Variants in PTPN2 observed in about 807,000 individuals in gnomAD.
PTPN2 encodes tyrosine-protein phosphatase non-receptor type 2.
In PTPN2, 19 loss-of-function variants were observed where a neutral mutation model predicts 57.3. That is an observed-to-expected ratio of 0.33 (90% CI 0.23 to 0.49). The LOEUF (loss-of-function observed/expected upper bound fraction) is 0.49, where lower values mean the gene tolerates loss of function less well. PTPN2 is among the 20% of genes least tolerant of loss of function. The pLI, the probability that PTPN2 is intolerant of heterozygous loss-of-function variation, is 0.99. For synonymous variants in PTPN2, 153 were observed against 164.9 expected, an observed-to-expected ratio of 0.93 and a Z score of 0.55; for missense variants, 358 against 501.1, an observed-to-expected ratio of 0.71 and a Z score of 2.73.
chr18:12,803,293 C>A (rs1043849403), intron 7 of PTPN2, among the ~76,000 whole-genome samples: 1 of 151,650 alleles, frequency 6.6e-6, no homozygotes, highest in Admixed American at 6.6e-5. Flanking sequence ...AATCACCAAA[C>A]CACAAAGGTA....
chr18:12,804,418 T>C (rs571801611), intron 7 of PTPN2, among the ~76,000 whole-genome samples: 147 of 113,892 alleles, frequency 1.3e-3, no homozygotes, highest in Non-Finnish European at 2.3e-3. Context: ...ACCAGAAGAA[T>C]GGAAATAAAG....
intron 8 of PTPN2, among the ~76,000 whole-genome samples, chr18:12,798,068 C>G (rs904201273): frequency 2.6e-5 from 4 of 152,132 alleles, no homozygotes; most frequent in South Asian, 2.1e-4. Flanking sequence ...TCTCAGTGAT[C>G]TGGGTTTCTG....
At chr18:12,817,578 C>T (rs142412934) in intron 5 of PTPN2, among the ~76,000 whole-genome samples, 1 of 152,260 alleles carries the variant, frequency 6.6e-6, no homozygotes, top group East Asian at 1.9e-4. Context: ...CTAACGCATA[C>T]AACACTTACT....
chr18:12,868,705 G>C (rs980766622), intron 1 of PTPN2, among the ~76,000 whole-genome samples: 7 of 148,800 alleles, frequency 4.7e-5, no homozygotes, highest in African/African-American at 1.7e-4. Flanking sequence ...AGGCTGAGGC[G>C]GGCGGATCAC....
In PTPN2 at chr18:12,792,463, AG is replaced by A; in HGVS notation, c.*1814del. The stretch of plus-strand genomic sequence containing the variant: ...ACGCCCAGATAATTTTTGTATTTTT[AG>A]TAAAGAAGGGATTTCACCATGTTGG... On this transcript the variant is annotated 3_prime_UTR_variant, in exon 9 of 9. Coordinates refer to ENST00000309660, the MANE Select transcript of PTPN2 (RefSeq NM_002828.4). The A allele has an allele frequency of 6.4e-6, 1 of 155,472 alleles. No individual in the cohort carries two copies. The highest frequency in any genetic ancestry group is 1.4e-5 in the Non-Finnish European group (1 of 71,178). The allele number at this position is 155,472 out of a possible 1,614,324, so 9.6% of individuals were successfully genotyped here.
intron 2 of PTPN2, among the ~76,000 whole-genome samples, chr18:12,850,366 GTAC>G (rs1263029762): frequency 6.6e-6 from 1 of 152,014 alleles, no homozygotes; most frequent in Non-Finnish European, 1.5e-5. Flanking sequence ...GCACGTGCCT[GTAC>G]TCCCAGCTAC....
intron 2 of PTPN2, among the ~76,000 whole-genome samples, chr18:12,858,584 TG>T (rs2043678436): frequency 1.3e-5 from 2 of 152,224 alleles, no homozygotes; most frequent in South Asian, 4.1e-4. Flanking sequence ...TACAATGTAC[TG>T]CTAAGAAAAG....
intron 2 of PTPN2, among the ~76,000 whole-genome samples, chr18:12,849,624 T>C (rs965530868): frequency 6.6e-6 from 1 of 152,210 alleles, no homozygotes; most frequent in African/African-American, 2.4e-5. Flanking sequence ...ATTCCTGAAA[T>C]AAACTTAATG....
At chr18:12,820,111 A>G (rs1384368285) in intron 5 of PTPN2, among the ~76,000 whole-genome samples, 1 of 151,736 alleles carries the variant, frequency 6.6e-6, no homozygotes, top group Admixed American at 6.6e-5. Context: ...TGCTTGTATG[A>G]TTTTGGCTCA....
chr18:12,836,259 C>T (rs902721948), intron 3 of PTPN2, among the ~76,000 whole-genome samples: 8 of 152,212 alleles, frequency 5.3e-5, no homozygotes, highest in Non-Finnish European at 8.8e-5. Context: ...GTGGCTGATG[C>T]GCTCAGAGGC....
chr18:12,855,522 T>C (rs140018152), intron 2 of PTPN2, among the ~76,000 whole-genome samples: 1 of 152,206 alleles, frequency 6.6e-6, no homozygotes, highest in Non-Finnish European at 1.5e-5. Context: ...TTCCAGGTGA[T>C]AGAACATGAA....
intron 3 of PTPN2, among the ~76,000 whole-genome samples, chr18:12,833,372 C>T (rs2042736222): frequency 6.6e-6 from 1 of 152,130 alleles, no homozygotes; most frequent in Admixed American, 6.5e-5. Context: ...GCAGTCTTGG[C>T]TCTTTAAGAG....
At chr18:12,822,013 T>C (rs1186120085) in intron 5 of PTPN2, among the ~76,000 whole-genome samples, 4 of 152,182 alleles carry the variant, frequency 2.6e-5, no homozygotes, top group East Asian at 1.9e-4. Context: ...AAGATTTACA[T>C]AGAGAGATGT....
At position 12,883,959 on chromosome 18, in the gene PTPN2, C is replaced by T. The variant is rs1056874966; in HGVS notation, c.69+114G>A. ...ACGCGGACCGCGCCGCCACTTCCGC[C>T]CCGAGCGAGAGGCTAGAGGCGAGAG... is the stretch of plus-strand genomic sequence containing the variant. On this transcript the variant is annotated intron_variant, in intron 1 of 8. Coordinates refer to ENST00000309660, the MANE Select transcript of PTPN2 (RefSeq NM_002828.4). The T allele has an allele frequency of 1.2e-5, 11 of 933,372 alleles. No homozygotes were observed. In the African/African-American group the frequency reaches 1.9e-4, roughly 16 times the overall value. 57.8% of individuals were successfully genotyped at this position (933,372 alleles called of 1,614,324 possible). A position where few individuals can be genotyped will look rare whatever the true frequency, so the allele number is the denominator to read the frequency against.
intron 1 of PTPN2, chr18:12,883,870 C>CTTT (rs397959555): frequency 0.013 from 4,889 of 387,016 alleles, 27 homozygotes; most frequent in East Asian, 0.038. Context: ...CTCAAGTATG[C>CTTT]TTTTTTTTTT....
At chr18:12,820,611 C>A (rs1444022650) in intron 5 of PTPN2, among the ~76,000 whole-genome samples, 1 of 152,160 alleles carries the variant, frequency 6.6e-6, no homozygotes, top group Non-Finnish European at 1.5e-5. Flanking sequence ...GTGGAAGCAC[C>A]CTTTTCTTCT....
chr18:12,790,696 T>TTTCATATCATAAACTGC (rs2040961689), downstream of PTPN2, among the ~76,000 whole-genome samples: 1 of 152,140 alleles, frequency 6.6e-6, no homozygotes, highest in South Asian at 2.1e-4. Context: ...TGGAAGACTG[T>TTTCATATCATAAACTGC]TTCATATCAT....
At chr18:12,877,107 G>A (rs1337377612) in intron 1 of PTPN2, among the ~76,000 whole-genome samples, 2 of 152,154 alleles carry the variant, frequency 1.3e-5, no homozygotes, top group Non-Finnish European at 2.9e-5. Flanking sequence ...AGCCATAAAT[G>A]AGGGGTTTGG....
chr18:12,802,456 C>A lies in PTPN2; in HGVS notation c.859-305G>T, dbSNP rs769345568. 3.7e-4 allele frequency among the ~76,000 whole-genome samples: 56 copies of A among 152,274 alleles called. No homozygotes were observed. In the Middle Eastern group the frequency reaches 0.01, roughly 28 times the overall value. Reference sequence around the variant, plus strand: ...TGAGACAAACTATACTGGGACCACACTCAACTATTAGTCACAGTAATATAA... The same window carrying A: ...TGAGACAAACTATACTGGGACCACAATCAACTATTAGTCACAGTAATATAA... On this transcript the variant is annotated intron_variant, in intron 7 of 8. Transcript: ENST00000309660.
Sources: allele counts gnomAD v4.1 joint callset (sites outside exome capture counted in the v4.1 genomes callset), GRCh38; gene constraint gnomAD v4.1.1; transcripts MANE v1.5; gene names NCBI Gene and HGNC (gene_info 2026-07-23, HGNC 2026-07-21).